Variants in BLTP1 observed in about 807,000 individuals in gnomAD.
BLTP1 encodes the protein fragile site-associated protein.
chr4:122,340,318 A>G, the BLTP1 span, among the ~76,000 whole-genome samples: 5 of 152,280 alleles, frequency 3.3e-5, no homozygotes, highest in Non-Finnish European at 2.9e-5. Context: ...TTAAGCGTGA[A>G]AAAAATAAAA....
At chr4:122,243,961 C>A in the BLTP1 span, 2 of 1,611,382 alleles carry the variant, frequency 1.2e-6, no homozygotes, top group Non-Finnish European at 1.7e-6. Context: ...AGGACAACAG[C>A]CATAGTTGAA....
the BLTP1 span, among the ~76,000 whole-genome samples, chr4:122,218,123 A>G: frequency 5.9e-5 from 9 of 151,790 alleles, no homozygotes; most frequent in Admixed American, 2.6e-4. Context: ...GGTTAATCTC[A>G]TGGATGGTCC....
the BLTP1 span, chr4:122,193,768 A>T: frequency 9.8e-6 from 4 of 408,420 alleles, no homozygotes; most frequent in South Asian, 3.1e-4. Context: ...TTAGTGAAAG[A>T]GTGCTGATAC....
the BLTP1 span, chr4:122,327,992 C>A: frequency 1.2e-6 from 1 of 843,790 alleles, no homozygotes; most frequent in Non-Finnish European, 1.7e-6. Flanking sequence ...TCTTTCAGTT[C>A]AGAGTGAAGA....
chr4:122,209,045 A>G, the BLTP1 span: 7 of 1,146,136 alleles, frequency 6.1e-6, no homozygotes, highest in African/African-American at 1.1e-4. Flanking sequence ...AAAATTTGTT[A>G]ATTTTCTTTC....
the BLTP1 span, among the ~76,000 whole-genome samples, chr4:122,323,045 G>C: frequency 1.3e-5 from 2 of 152,068 alleles, no homozygotes; most frequent in Admixed American, 1.3e-4. Flanking sequence ...CAGGGGCACC[G>C]GTGACTGGGT....
chr4:122,328,238 T>A, the BLTP1 span: 1 of 1,611,392 alleles, frequency 6.2e-7, no homozygotes, highest in Non-Finnish European at 8.5e-7. Flanking sequence ...CAGGCATTCC[T>A]TTCCAAACTG....
At chr4:122,337,893 A>G in the BLTP1 span, among the ~76,000 whole-genome samples, 3 of 149,262 alleles carry the variant, frequency 2.0e-5, no homozygotes, top group Non-Finnish European at 4.4e-5. Flanking sequence ...TAGCATATAT[A>G]CTATACAAAA....
chr4:122,359,855 C>G, the BLTP1 span: 1 of 1,380,226 alleles, frequency 7.2e-7, no homozygotes, highest in Non-Finnish European at 9.3e-7. Flanking sequence ...TCTATAGCTT[C>G]TGTGTGCTGT....
the BLTP1 span, chr4:122,164,382 G>A: frequency 4.1e-6 from 4 of 984,236 alleles, no homozygotes; most frequent in Non-Finnish European, 4.8e-6. Flanking sequence ...GTATGTGAGT[G>A]CCCAGAATAA....
the BLTP1 span, among the ~76,000 whole-genome samples, chr4:122,353,562 T>C: frequency 6.6e-6 from 1 of 152,220 alleles, no homozygotes; most frequent in African/African-American, 2.4e-5. The surrounding 1 kb of genome is among the most constrained non-coding windows in gnomAD (Gnocchi z 4.3). Flanking sequence ...TTTACTTTTC[T>C]ACTTGGTGGT....
the BLTP1 span, among the ~76,000 whole-genome samples, chr4:122,173,762 T>A: frequency 1.3e-5 from 2 of 152,174 alleles, no homozygotes; most frequent in East Asian, 3.8e-4. Context: ...ATTTATTACT[T>A]CTTTAAGTGT....
the BLTP1 span, among the ~76,000 whole-genome samples, chr4:122,245,830 C>T: frequency 6.6e-6 from 1 of 151,860 alleles, no homozygotes; most frequent in South Asian, 2.1e-4. Flanking sequence ...CAAAAAGGGG[C>T]CAATTATCAG....
At chr4:122,181,102 C>G in the BLTP1 span, 1 of 169,920 alleles carries the variant, frequency 5.9e-6, no homozygotes. Flanking sequence ...AAAAGACAGT[C>G]TTTATCCTAA....
the BLTP1 span, chr4:122,276,052 T>C: frequency 3.3e-6 from 5 of 1,535,942 alleles, no homozygotes; most frequent in Non-Finnish European, 4.4e-6. Flanking sequence ...TTCATGGCTT[T>C]GTAATTACTG....
the BLTP1 span, chr4:122,312,802 G>A: frequency 7.5e-6 from 6 of 798,496 alleles, no homozygotes; most frequent in Non-Finnish European, 9.1e-6. Context: ...TGAATAGTAA[G>A]CTCAAATTTA....
the BLTP1 span, chr4:122,200,659 T>C: frequency 1.0e-6 from 1 of 984,392 alleles, no homozygotes; most frequent in Non-Finnish European, 1.2e-6. Context: ...TCACACTCTA[T>C]CTTCCTTCAC....
At chr4:122,339,145 T>C in the BLTP1 span, 5 of 1,521,400 alleles carry the variant, frequency 3.3e-6, no homozygotes, top group Non-Finnish European at 4.5e-6. Flanking sequence ...TCAATATTAT[T>C]TCTATTTAAA....
At chr4:122,330,062 CT>C in the BLTP1 span, among the ~76,000 whole-genome samples, 1 of 151,554 alleles carries the variant, frequency 6.6e-6, no homozygotes, top group Admixed American at 6.6e-5. Context: ...GCATTTCCGT[CT>C]TTTTTTTAAG....
Sources: allele counts gnomAD v4.1 joint callset (sites outside exome capture counted in the v4.1 genomes callset), GRCh38; gene constraint gnomAD v4.1.1; non-coding constraint Gnocchi (gnomAD v3.1); transcripts MANE v1.5; gene names NCBI Gene and HGNC (gene_info 2026-07-23, HGNC 2026-07-21).